CDK14: variants seen among roughly 807,000 people sequenced by gnomAD.
CDK14 encodes cyclin-dependent kinase 14.
A neutral mutation model predicts 60.7 loss-of-function variants in CDK14; 34 were observed. The observed-to-expected ratio is 0.56, with a 90% CI of 0.43 to 0.75. CDK14 has a LOEUF of 0.75. CDK14 is among the 30% of genes least tolerant of loss of function. The pLI, the probability that CDK14 is intolerant of heterozygous loss-of-function variation, is 0.00. For synonymous variants in CDK14, 197 were observed against 203.7 expected, an observed-to-expected ratio of 0.97 and a Z score of 0.28; for missense variants, 482 against 564.1, an observed-to-expected ratio of 0.85 and a Z score of 1.47.
At chr7:91,137,307 A>G (rs1435430934) in intron 14 of CDK14, among the ~76,000 whole-genome samples, 1 of 152,148 alleles carries the variant, frequency 6.6e-6, no homozygotes. Flanking sequence ...GAGCTTGTCA[A>G]GCACAGTGCT....
chr7:90,869,342 G>A (rs1286277254), intron 6 of CDK14, among the ~76,000 whole-genome samples: 1 of 152,182 alleles, frequency 6.6e-6, no homozygotes. Context: ...TATTTTTAGA[G>A]GAAGAGCATT....
At chr7:90,989,582 A>C (rs1795474200) in intron 10 of CDK14, among the ~76,000 whole-genome samples, 1 of 152,220 alleles carries the variant, frequency 6.6e-6, no homozygotes, top group South Asian at 2.1e-4. Context: ...GGCATACTTC[A>C]GGAATGGAAT....
chr7:91,165,619 G>C (rs189315990), intron 14 of CDK14, among the ~76,000 whole-genome samples: 9 of 152,248 alleles, frequency 5.9e-5, no homozygotes, highest in Non-Finnish European at 1.2e-4. Context: ...TCATAGAGCA[G>C]AAACACCAAG....
At chr7:91,113,453 C>G (rs1296878240) in intron 13 of CDK14, among the ~76,000 whole-genome samples, 2 of 152,104 alleles carry the variant, frequency 1.3e-5, no homozygotes, top group Non-Finnish European at 2.9e-5. Flanking sequence ...CTGGGAGGAT[C>G]TCAGATTTCT....
At chr7:91,003,958 G>A (rs1176809322) in intron 10 of CDK14, among the ~76,000 whole-genome samples, 4 of 152,080 alleles carry the variant, frequency 2.6e-5, no homozygotes, top group African/African-American at 9.7e-5. Flanking sequence ...TGACTAAAAA[G>A]CCAGATTCCC....
At chr7:90,922,981 T>C (rs946710155) in intron 8 of CDK14, among the ~76,000 whole-genome samples, 3 of 152,092 alleles carry the variant, frequency 2.0e-5, no homozygotes, top group South Asian at 4.2e-4. Context: ...ATGTGTTAAA[T>C]TGAAAAACCT....
intron 10 of CDK14, among the ~76,000 whole-genome samples, chr7:91,033,691 T>A (rs1434958651): frequency 1.3e-5 from 2 of 152,174 alleles, no homozygotes; most frequent in African/African-American, 4.8e-5. Context: ...TTTCAGGCAG[T>A]CAGGCTGGTT....
At chr7:90,675,615 G>A (rs1315107319) in intron 2 of CDK14, among the ~76,000 whole-genome samples, 1 of 152,040 alleles carries the variant, frequency 6.6e-6, no homozygotes, top group Non-Finnish European at 1.5e-5. Flanking sequence ...TTTAGAAATA[G>A]AAACAATTTA....
chr7:90,918,506 G>A (rs1793151085), intron 8 of CDK14, among the ~76,000 whole-genome samples: 2 of 152,196 alleles, frequency 1.3e-5, no homozygotes, highest in Non-Finnish European at 2.9e-5. Flanking sequence ...CAAGGTTGAC[G>A]TTTCTGCATT....
intron 2 of CDK14, among the ~76,000 whole-genome samples, chr7:90,678,807 A>AT (rs1801255249): frequency 6.6e-6 from 1 of 152,230 alleles, no homozygotes; most frequent in African/African-American, 2.4e-5. Context: ...AAATCATGAC[A>AT]TAAAAAGTTC....
At chr7:90,678,175 G>A (rs1396159844) in intron 2 of CDK14, among the ~76,000 whole-genome samples, 2 of 152,288 alleles carry the variant, frequency 1.3e-5, no homozygotes, top group Middle Eastern at 3.4e-3. Flanking sequence ...AGGGAAGCCC[G>A]CTTATGCTCA....
chr7:91,088,760 T>C (rs1251367675), intron 12 of CDK14, among the ~76,000 whole-genome samples: 1 of 152,160 alleles, frequency 6.6e-6, no homozygotes, highest in Non-Finnish European at 1.5e-5. Context: ...TATACAAACA[T>C]AATGCCAAAT....
chr7:90,940,559 G>T (rs1265835734), intron 8 of CDK14, among the ~76,000 whole-genome samples: 2 of 152,156 alleles, frequency 1.3e-5, no homozygotes, highest in African/African-American at 4.8e-5. Context: ...GCTGAGGCAG[G>T]TGGATCACTT....
At chr7:90,780,232 C>T (rs1339876630) in intron 4 of CDK14, among the ~76,000 whole-genome samples, 1 of 151,878 alleles carries the variant, frequency 6.6e-6, no homozygotes, top group Non-Finnish European at 1.5e-5. Context: ...CTCAAATCAA[C>T]TACAATATTT....
chr7:90,802,391 A>G (rs1788674668), intron 5 of CDK14, among the ~76,000 whole-genome samples: 1 of 152,210 alleles, frequency 6.6e-6, no homozygotes, highest in Admixed American at 6.5e-5. Flanking sequence ...CATTGTTGGA[A>G]GTACATGAAT....
chr7:90,890,628 G>A lies in CDK14; in HGVS notation c.640-8663G>A, dbSNP rs117394289. Among the ~76,000 whole-genome samples the A allele has an allele frequency of 3.3e-5, 5 of 152,218 alleles. No individual in the cohort carries two copies. In the East Asian group the frequency reaches 9.6e-4, roughly 29 times the overall value. On this transcript the variant is annotated intron_variant, in intron 6 of 14. Transcript: ENST00000380050. The stretch of plus-strand genomic sequence containing the variant: ...AGATAAGTACTGTAAAGCATAACAG[G>A]GAAAAGTGCAATTTCAAAGTCAATT...
chr7:90,915,784 A>G (rs1274646630), intron 7 of CDK14, among the ~76,000 whole-genome samples: 4 of 152,216 alleles, frequency 2.6e-5, no homozygotes, highest in African/African-American at 9.6e-5. Flanking sequence ...CAGTTTCCTC[A>G]TTACTAATAT....
At chr7:90,862,115 C>G (rs368797801) in intron 5 of CDK14, among the ~76,000 whole-genome samples, 33 of 152,080 alleles carry the variant, frequency 2.2e-4, no homozygotes, top group African/African-American at 7.7e-4. Context: ...AAGAAAAAAT[C>G]AAATCAGAAG....
chr7:91,022,195 T>C (rs1484987977), intron 10 of CDK14, among the ~76,000 whole-genome samples: 7 of 152,208 alleles, frequency 4.6e-5, no homozygotes, highest in Non-Finnish European at 1.0e-4. Context: ...GGGTGATATA[T>C]TCTGTCTGGG....
Sources: gnomAD v4.1 joint callset for allele counts (sites outside exome capture counted in the v4.1 genomes callset) on GRCh38, gnomAD v4.1.1 for gene constraint, MANE v1.5 for transcripts, NCBI Gene and HGNC (gene_info 2026-07-23, HGNC 2026-07-21) for gene names.